The following AKT3 variants were observed in gnomAD, a reference collection of about 807,000 sequenced individuals.
AKT3 encodes RAC-gamma serine/threonine-protein kinase.
A neutral mutation model predicts 65.3 loss-of-function variants in AKT3; 15 were observed. The observed-to-expected ratio is 0.23, with a 90% confidence interval of 0.15 to 0.35. The LOEUF is 0.35. AKT3 is among the 10% of genes least tolerant of loss of function. The probability of loss-of-function intolerance (pLI) is 1.00; values close to 1 mark genes in which losing one functional copy is unlikely to be tolerated. For missense variants in AKT3, 243 were observed against 576.5 expected (o/e 0.42, Z 5.92); for synonymous variants, 206 against 183.8 (o/e 1.12, Z -0.98).
chr1:243,803,636 A>T (rs1302736414), intron 2 of AKT3, among the ~76,000 whole-genome samples: 1 of 135,198 alleles, frequency 7.4e-6, no homozygotes, highest in African/African-American at 2.8e-5. Context: ...CAGAACAAAG[A>T]CGTACATGTA....
chr1:243,700,031 G>A (rs926998106), intron 2 of AKT3, among the ~76,000 whole-genome samples: 1 of 152,002 alleles, frequency 6.6e-6, no homozygotes, highest in Non-Finnish European at 1.5e-5. Flanking sequence ...CTAACTTCTG[G>A]CCTCCAGAAT....
chr1:243,748,989 CT>C (rs1688642405), intron 2 of AKT3, among the ~76,000 whole-genome samples: 2 of 152,108 alleles, frequency 1.3e-5, no homozygotes, highest in South Asian at 4.1e-4. Flanking sequence ...TGCATGAATA[CT>C]TTAATATTTT....
chr1:243,700,256 A>G (rs1303245389), intron 2 of AKT3, among the ~76,000 whole-genome samples: 1 of 152,176 alleles, frequency 6.6e-6, no homozygotes, highest in African/African-American at 2.4e-5. Context: ...ACTACTGTAA[A>G]TGGTAGAGAA....
chr1:243,574,442 A>G (rs1321282783), intron 8 of AKT3, among the ~76,000 whole-genome samples: 1 of 152,138 alleles, frequency 6.6e-6, no homozygotes, highest in Non-Finnish European at 1.5e-5. Context: ...ACTGTATTTT[A>G]TCAAATCTCA....
chr1:243,637,560 C>A, intron 6 of AKT3, 51 bp downstream of exon 6: 1 of 1,509,998 alleles, frequency 6.6e-7, no homozygotes, highest in South Asian at 1.3e-5. Context: ...CCCACAAACA[C>A]ATGCACACTG....
At position 243,545,681 on chromosome 1, in the gene AKT3, AAT is replaced by A. The variant is rs574080889; in HGVS notation, c.1164-86_1164-85del. 1.5e-3 allele frequency: 1,496 copies of A among 986,630 alleles called. 2 individuals are homozygous for A. The highest frequency in any genetic ancestry group is 2.1e-3 in the Non-Finnish European group (1,371 of 641,274). The allele number at this position is 986,630 out of a possible 1,614,324, so 61.1% of individuals were successfully genotyped here. ...AACAAAAAATATTTTGTGAAAGTGT[AAT>A]TTTCTGTGTAATAAACAGTTCTTGG... On this transcript the variant is annotated intron_variant, in intron 11 of 13. Coordinates refer to ENST00000673466, the MANE Select transcript of AKT3 (RefSeq NM_005465.7).
At chr1:243,509,630 A>C (rs188815368) in intron 13 of AKT3, among the ~76,000 whole-genome samples, 4 of 152,062 alleles carry the variant, frequency 2.6e-5, no homozygotes, top group Non-Finnish European at 2.9e-5. Context: ...CCTCCACTAC[A>C]CCACCCCTGC....
At chr1:243,756,225 T>C (rs987242985) in intron 2 of AKT3, among the ~76,000 whole-genome samples, 8 of 152,218 alleles carry the variant, frequency 5.3e-5, no homozygotes, top group South Asian at 2.1e-4. Flanking sequence ...TTATTTTTAA[T>C]GAAAGAGCTT....
chr1:243,506,431 T>A (rs536204603), intron 13 of AKT3, among the ~76,000 whole-genome samples: 1 of 152,302 alleles, frequency 6.6e-6, no homozygotes, highest in African/African-American at 2.4e-5. Context: ...CCAGGGAGCA[T>A]CCGCTGGATG....
In AKT3 at chr1:243,502,605, A is replaced by C. The variant is rs1669387047; in HGVS notation, c.*2644T>G. On this transcript the variant is annotated 3_prime_UTR_variant, in exon 14 of 14. Coordinates refer to ENST00000673466, the MANE Select transcript of AKT3 (RefSeq NM_005465.7). ...TGGGCGACACAAGGGAAGTTTTAGA[A>C]ATCTCCCTCTACACGCATTTCTGGT... 1 of 232,994 alleles carries C rather than the reference A, an allele frequency of 4.3e-6. No homozygotes were observed. Among genetic ancestry groups the C allele is most frequent in the African/African-American group, 2.2e-5 (1 of 45,278 alleles). 14.4% of individuals were successfully genotyped at this position (232,994 alleles called of 1,614,324 possible).
chr1:243,588,231 C>G (rs1177852961), intron 8 of AKT3, among the ~76,000 whole-genome samples: 1 of 152,068 alleles, frequency 6.6e-6, no homozygotes, highest in Admixed American at 6.6e-5. Flanking sequence ...GAATACTAAG[C>G]AATGCATGTG....
At position 243,501,856 on chromosome 1, in the gene AKT3, C is replaced by T. The variant is rs1028830740; in HGVS notation, c.*3393G>A. 4.3e-6 allele frequency: 1 copy of T among 232,754 alleles called. No homozygotes were observed. The highest frequency in any genetic ancestry group is 6.1e-5 in the East Asian group (1 of 16,438). 14.4% of individuals were successfully genotyped at this position (232,754 alleles called of 1,614,324 possible). A position where few individuals can be genotyped will look rare whatever the true frequency, so the allele number is the denominator to read the frequency against. ...TACGTGTAAAAATACTAAGGATGTA[C>T]AGTGTACAAAAACAGTTTCTCCTAG... is the stretch of plus-strand genomic sequence containing the variant. On this transcript the variant is annotated 3_prime_UTR_variant, in exon 14 of 14. Coordinates refer to ENST00000673466, the MANE Select transcript of AKT3 (RefSeq NM_005465.7).
intron 12 of AKT3, among the ~76,000 whole-genome samples, chr1:243,516,369 C>T (rs1370531950): frequency 6.6e-6 from 1 of 152,172 alleles, no homozygotes; most frequent in Non-Finnish European, 1.5e-5. Context: ...TGTCTTCTCA[C>T]TTTTCTTTTC....
intron 6 of AKT3, among the ~76,000 whole-genome samples, chr1:243,632,288 G>A (rs1420447585): frequency 6.6e-6 from 1 of 152,214 alleles, no homozygotes; most frequent in African/African-American, 2.4e-5. Flanking sequence ...CAGAACTGAC[G>A]CTGGGTTAGC....
intron 6 of AKT3, among the ~76,000 whole-genome samples, chr1:243,636,623 T>C (rs1208624480): frequency 6.6e-6 from 1 of 152,116 alleles, no homozygotes; most frequent in Non-Finnish European, 1.5e-5. Flanking sequence ...ATTCGGCTTC[T>C]ACCTGGTAAC....
chr1:243,718,699 T>C (rs1204280124), intron 2 of AKT3, among the ~76,000 whole-genome samples: 1 of 151,968 alleles, frequency 6.6e-6, no homozygotes, highest in African/African-American at 2.4e-5. Context: ...GGTCTCGATC[T>C]CCTGACCTCG....
At chr1:243,528,550 C>T (rs1481078450) in intron 12 of AKT3, among the ~76,000 whole-genome samples, 1 of 152,176 alleles carries the variant, frequency 6.6e-6, no homozygotes, top group African/African-American at 2.4e-5. Context: ...GTTTAGCTCC[C>T]ACTTGTAAGT....
At chr1:243,840,921 T>A (rs546460638) in intron 2 of AKT3, among the ~76,000 whole-genome samples, 1 of 152,046 alleles carries the variant, frequency 6.6e-6, no homozygotes, top group African/African-American at 2.4e-5. Flanking sequence ...TAGTATATTA[T>A]ATAAAAAACT....
intron 2 of AKT3, chr1:243,740,809 G>T (rs760749056): frequency 1.3e-5 from 2 of 152,192 alleles, no homozygotes; most frequent in Non-Finnish European, 2.9e-5. Flanking sequence ...TTTATCATTA[G>T]TAGGTACGTT....
Sources: gnomAD v4.1 joint callset for allele counts (sites outside exome capture counted in the v4.1 genomes callset) on GRCh38, gnomAD v4.1.1 for gene constraint, MANE v1.5 for transcripts, NCBI Gene and HGNC (gene_info 2026-07-23, HGNC 2026-07-21) for gene names.